The following MRNIP variants were observed in gnomAD, a reference collection of about 807,000 sequenced individuals.
The protein encoded by MRNIP is MRN complex-interacting protein.
MRNIP carries 30 observed loss-of-function variants against 29.8 expected under a neutral mutation model. The ratio of observed to expected loss-of-function variants is 1.01; its 90% CI spans 0.75 to 1.36. The LOEUF is 1.36. Ranked by LOEUF, MRNIP falls within the 40% of genes most tolerant of loss-of-function variation. The pLI, the probability that MRNIP is intolerant of heterozygous loss-of-function variation, is 0.00. For missense variants in MRNIP, 459 were observed against 423.5 expected (o/e 1.08, Z -0.74); for synonymous variants, 201 against 164.1 (o/e 1.23, Z -1.72).
rs778282153 is a variant in MRNIP, at chr5:179,840,838, C to G, written c.537+34G>C. The G allele has an allele frequency of 1.2e-5, 17 of 1,408,824 alleles. No individual in the cohort carries two copies. In the South Asian group the frequency reaches 1.7e-4, roughly 14 times the overall value. 87.3% of individuals were successfully genotyped at this position (1,408,824 alleles called of 1,614,324 possible). A position where few individuals can be genotyped will look rare whatever the true frequency, so the allele number is the denominator to read the frequency against. ...AATTATCACACACACGCTCAGTGGT[C>G]ACTGGGACCAGAGAGAAACTGTTTG... On this transcript the variant is annotated intron_variant, in intron 6 of 6. Coordinates refer to ENST00000292586, the MANE Select transcript of MRNIP (RefSeq NM_016175.4).
intron 1 of MRNIP, among the ~76,000 whole-genome samples, chr5:179,854,696 G>A (rs765041691): frequency 2.6e-5 from 4 of 151,788 alleles, no homozygotes; most frequent in Non-Finnish European, 4.4e-5. Flanking sequence ...TTCCTGTCTC[G>A]CAAAACCAAA....
chr5:179,845,663 CTT>C (rs1478641463), intron 3 of MRNIP, among the ~76,000 whole-genome samples: 1 of 148,948 alleles, frequency 6.7e-6, no homozygotes, highest in Non-Finnish European at 1.5e-5. Context: ...ACCCAATTGA[CTT>C]TTGTATTTTT....
chr5:179,842,288 G>A (rs1758913170), intron 4 of MRNIP, among the ~76,000 whole-genome samples: 1 of 152,120 alleles, frequency 6.6e-6, no homozygotes, highest in African/African-American at 2.4e-5. Context: ...GGCCCACCAA[G>A]AGACTCATGA....
At chr5:179,853,324 G>GT in intron 2 of MRNIP, 54 bp downstream of exon 2, 2 of 1,604,402 alleles carry the variant, frequency 1.2e-6, no homozygotes, top group Non-Finnish European at 1.7e-6. Context: ...GGACTCCCTG[G>GT]AAGGGCTCGC....
intron 2 of MRNIP, among the ~76,000 whole-genome samples, chr5:179,849,581 G>A (rs1269629548): frequency 6.7e-6 from 1 of 150,010 alleles, no homozygotes; most frequent in Admixed American, 6.6e-5. Flanking sequence ...TCCTGCTATG[G>A]CACAGGCAGA....
intron 1 of MRNIP, among the ~76,000 whole-genome samples, chr5:179,853,667 G>A (rs1446379841): frequency 6.6e-6 from 1 of 152,010 alleles, no homozygotes; most frequent in African/African-American, 2.4e-5. Context: ...AGCTACTCAG[G>A]AGGCTGAGAC....
chr5:179,849,523 C>T (rs916181534), intron 2 of MRNIP, among the ~76,000 whole-genome samples: 2 of 147,604 alleles, frequency 1.4e-5, no homozygotes, highest in African/African-American at 5.0e-5. Context: ...ACCATGGGTC[C>T]TGCTATGGCA....
chr5:179,851,110 C>A, intron 2 of MRNIP: 1 of 414,998 alleles, frequency 2.4e-6, no homozygotes, highest in South Asian at 1.7e-5. Flanking sequence ...GTTACTGTGG[C>A]CTAGTCAGCC....
chr5:179,844,056 C>T (rs1214658205), intron 4 of MRNIP, 96 bp downstream of exon 4: 2 of 989,524 alleles, frequency 2.0e-6, no homozygotes, highest in Non-Finnish European at 3.1e-6. Flanking sequence ...TGGGTGGCAT[C>T]AACACACATT....
intron 4 of MRNIP, among the ~76,000 whole-genome samples, chr5:179,843,064 AGGGAGGG>A (rs1758978935): frequency 9.3e-5 from 8 of 85,990 alleles, no homozygotes; most frequent in Admixed American, 6.9e-4. Context: ...GAAGGAAGGG[AGGGAGGG>A]AGGGAGGGAG....
rs1322926992 is a variant in MRNIP at position 179,837,697 on chromosome 5, C to T, written c.726G>A (p.Val242=). The T allele has an allele frequency of 1.2e-6, 2 of 1,614,242 alleles. No individual in the cohort carries two copies. Among genetic ancestry groups the T allele is most frequent in the Non-Finnish European group, 1.7e-6 (2 of 1,180,050 alleles). Residue 242 remains valine, a synonymous_variant, in exon 7 of 7, where the codon GTG becomes GTA. Transcript: ENST00000292586. ...GAAGAGACCTTGGCTGCTCACTGTC[C>T]ACATGTGAACTTTTTCTAGGTGGCA... The part of the protein sequence containing the change: ...FVLPPRKSSH[V]DSEQPRSLQR...
At chr5:179,850,025 G>A (rs535674094) in intron 2 of MRNIP, among the ~76,000 whole-genome samples, 4 of 151,914 alleles carry the variant, frequency 2.6e-5, no homozygotes, top group Admixed American at 2.0e-4. Context: ...CTCAGGTCCC[G>A]CTATCGCACA....
intron 1 of MRNIP, among the ~76,000 whole-genome samples, chr5:179,853,925 T>C (rs1759479838): frequency 6.6e-6 from 1 of 152,014 alleles, no homozygotes; most frequent in Non-Finnish European, 1.5e-5. Context: ...TTGACCAGGC[T>C]GTTCTCAAAC....
chr5:179,841,971 T>G lies in MRNIP; in HGVS notation c.385A>C (p.Lys129Gln), dbSNP rs774201862. The G allele has an allele frequency of 1.9e-6, 3 of 1,614,066 alleles. No individual in the cohort carries two copies. In the East Asian group the frequency reaches 6.7e-5, roughly 36 times the overall value. ...TCCTCCATTTTGGATGAAGGCTGTT[T>G]GCTGAAACACACTCCTGTTCCTTCC... is the stretch of plus-strand genomic sequence containing the variant. ...ELEGTGVCFSKQPSSKMEEPG... is the reference protein window; with the variant it reads ...ELEGTGVCFSQQPSSKMEEPG... The change falls in exon 5 of 7, where the codon AAA becomes CAA. Residue 129 changes from lysine to glutamine, a missense_variant. Physicochemically the swap from Lys to Gln is moderately conservative, Grantham distance 53. Coordinates refer to ENST00000292586, the MANE Select transcript of MRNIP (RefSeq NM_016175.4).
At chr5:179,839,951 G>A (rs2113537030) in intron 6 of MRNIP, 1 of 141,004 alleles carries the variant, frequency 7.1e-6, no homozygotes, top group South Asian at 2.3e-4. Context: ...AACATAGTGA[G>A]ACCATGTCTC....
intron 2 of MRNIP, 152 bp from the exon 3 acceptor site, chr5:179,848,218 G>A: frequency 3.1e-6 from 2 of 652,446 alleles, no homozygotes; most frequent in Admixed American, 2.4e-5. Flanking sequence ...ATGACTGACG[G>A]CTGTCTCTAG....
chr5:179,839,734 A>G (rs1758791696), intron 6 of MRNIP: 4 of 152,914 alleles, frequency 2.6e-5, no homozygotes, highest in Non-Finnish European at 4.4e-5. Flanking sequence ...TGGACTCCCA[A>G]CTGCAGTGCC....
chr5:179,845,158 T>C (rs1429359812), intron 3 of MRNIP, among the ~76,000 whole-genome samples: 3 of 152,198 alleles, frequency 2.0e-5, no homozygotes, highest in African/African-American at 7.2e-5. Context: ...AATTCTCTCT[T>C]CAGCTGCATT....
chr5:179,847,831 G>A, intron 3 of MRNIP, 147 bp downstream of exon 3: 1 of 635,770 alleles, frequency 1.6e-6, no homozygotes, highest in South Asian at 1.8e-5. Flanking sequence ...GGCAGCTGCT[G>A]ACCTCAGATG....
Sources: allele counts gnomAD v4.1 joint callset (sites outside exome capture counted in the v4.1 genomes callset), GRCh38; gene constraint gnomAD v4.1.1; transcripts MANE v1.5; gene names NCBI Gene and HGNC (gene_info 2026-07-23, HGNC 2026-07-21).